Variants in TBC1D5 observed in about 807,000 individuals in gnomAD.
TBC1D5 encodes the protein TBC1 domain family, member 5.
A neutral mutation model predicts 100.3 loss-of-function variants in TBC1D5; 75 were observed. The observed-to-expected ratio is 0.75, with a 90% CI of 0.62 to 0.91. The LOEUF (loss-of-function observed/expected upper bound fraction) is 0.91, where lower values mean the gene tolerates loss of function less well. TBC1D5 is among the 40% of genes least tolerant of loss of function. The pLI is 0.00. For missense variants in TBC1D5, 910 were observed against 942.4 expected (o/e 0.97, Z 0.45); for synonymous variants, 323 against 325.6 (o/e 0.99, Z 0.09).
intron 1 of TBC1D5, among the ~76,000 whole-genome samples, chr3:17,667,103 C>T (rs2067348248): frequency 6.6e-6 from 1 of 152,186 alleles, no homozygotes; most frequent in African/African-American, 2.4e-5. Flanking sequence ...GAATTTACTT[C>T]TAGCTGCTGG....
chr3:17,616,246 TGA>T (rs141000394), intron 2 of TBC1D5, among the ~76,000 whole-genome samples: 7,745 of 152,266 alleles, frequency 0.051, 600 homozygotes, highest in African/African-American at 0.17. Context: ...CACTGTGGTC[TGA>T]GAGGCAGCTT....
In TBC1D5 at chr3:17,521,718, T is replaced by G. The variant is rs182085342; in HGVS notation, c.-35-13113A>C. Among the ~76,000 whole-genome samples the G allele has an allele frequency of 3.6e-3, 543 of 152,302 alleles. 4 individuals carry two copies. The highest frequency in any genetic ancestry group is 0.012 in the African/African-American group (515 of 41,568). ...AATTTGTTGAGACTAATATAAAATA[T>G]TATGTTAACTCTTTCATTCATGAAT... is the stretch of plus-strand genomic sequence containing the variant. On this transcript the variant is annotated intron_variant, in intron 2 of 21. Transcript: ENST00000253692.
At chr3:17,622,961 A>G (rs1215581274) in intron 2 of TBC1D5, among the ~76,000 whole-genome samples, 1 of 152,218 alleles carries the variant, frequency 6.6e-6, no homozygotes, top group Non-Finnish European at 1.5e-5. Context: ...GCAATTGCTT[A>G]AAGACCAAAA....
chr3:17,605,018 T>A (rs2153602352), intron 2 of TBC1D5, among the ~76,000 whole-genome samples: 1 of 152,338 alleles, frequency 6.6e-6, no homozygotes, highest in East Asian at 1.9e-4. Flanking sequence ...CAGGCTTCCA[T>A]ATCCCCAAAA....
intron 4 of TBC1D5, among the ~76,000 whole-genome samples, chr3:17,414,876 TA>T (rs779659717): frequency 3.3e-5 from 5 of 152,080 alleles, no homozygotes; most frequent in East Asian, 1.9e-4. Context: ...TAAATATATA[TA>T]AAAAAACAGA....
chr3:17,451,879 C>G (rs2094936306), intron 3 of TBC1D5, among the ~76,000 whole-genome samples: 1 of 151,800 alleles, frequency 6.6e-6, no homozygotes, highest in Admixed American at 6.6e-5. Context: ...CAGAGAGGAC[C>G]ACCATCGCAC....
chr3:17,660,274 T>C (rs1203638361), intron 1 of TBC1D5, among the ~76,000 whole-genome samples: 1 of 152,170 alleles, frequency 6.6e-6, no homozygotes, highest in Non-Finnish European at 1.5e-5. Flanking sequence ...AAGGAGTGGA[T>C]TAGAACTTTT....
intron 18 of TBC1D5, among the ~76,000 whole-genome samples, chr3:17,188,389 A>G (rs1022972363): frequency 6.6e-6 from 1 of 152,226 alleles, no homozygotes. Context: ...GTTTGTCTCA[A>G]TATAAACACA....
At chr3:17,622,453 GT>G (rs1420759936) in intron 2 of TBC1D5, among the ~76,000 whole-genome samples, 4 of 152,020 alleles carry the variant, frequency 2.6e-5, no homozygotes, top group African/African-American at 9.7e-5. Context: ...TGGAAAGTAT[GT>G]TTTATGTGGT....
intron 13 of TBC1D5, among the ~76,000 whole-genome samples, chr3:17,340,454 G>A (rs556642898): frequency 1.2e-4 from 19 of 152,314 alleles, no homozygotes; most frequent in Non-Finnish European, 2.6e-4. Context: ...GTGCTGGGGT[G>A]CAGCCATGGC....
intron 3 of TBC1D5, among the ~76,000 whole-genome samples, chr3:17,487,386 T>C (rs1345369552): frequency 6.6e-6 from 1 of 152,184 alleles, no homozygotes; most frequent in Non-Finnish European, 1.5e-5. Context: ...ATAAACAATA[T>C]TTCCAATCCA....
chr3:17,367,985 T>C (rs1224479593), intron 13 of TBC1D5, among the ~76,000 whole-genome samples: 3 of 131,402 alleles, frequency 2.3e-5, no homozygotes, highest in Admixed American at 1.5e-4. Flanking sequence ...CTTTAGGATA[T>C]ATTATTTTAT....
chr3:17,297,571 T>TA (rs35418915), intron 14 of TBC1D5, among the ~76,000 whole-genome samples: 3,582 of 137,232 alleles, frequency 0.026, 65 homozygotes, highest in South Asian at 0.047. Flanking sequence ...GCGAGACTCC[T>TA]AAAAAAAAAA....
In TBC1D5 at chr3:17,431,939, G is replaced by A. The variant is rs1296649186; in HGVS notation, c.98-3420C>T. Among the ~76,000 whole-genome samples the A allele has an allele frequency of 4.6e-5, 7 of 152,080 alleles. No homozygotes were observed. The East Asian group carries it at 1.3e-3, about 29-fold the overall frequency. ...GGGAGGTTTACAATAGATTTCTGTA[G>A]TATTTTTTTATACACAAACATCTAG... On this transcript the variant is annotated intron_variant, in intron 3 of 21. Coordinates refer to ENST00000253692, the Ensembl canonical transcript of TBC1D5.
At chr3:17,299,959 T>C (rs1575200237) in intron 14 of TBC1D5, among the ~76,000 whole-genome samples, 1 of 151,928 alleles carries the variant, frequency 6.6e-6, no homozygotes, top group East Asian at 1.9e-4. Flanking sequence ...ATGCAAACTG[T>C]ATTTTCCACT....
At chr3:17,528,247 G>A (rs939399164) in intron 2 of TBC1D5, among the ~76,000 whole-genome samples, 10 of 152,286 alleles carry the variant, frequency 6.6e-5, no homozygotes, top group African/African-American at 2.4e-4. Context: ...GTATTAAGAG[G>A]TAGGGCCTTC....
chr3:17,429,322 A>C (rs571691119), intron 3 of TBC1D5, among the ~76,000 whole-genome samples: 5 of 151,994 alleles, frequency 3.3e-5, no homozygotes, highest in Admixed American at 3.3e-4. Context: ...GAAATTTCAT[A>C]GTTCAATTTT....
chr3:17,343,436 G>A (rs191225289), intron 13 of TBC1D5, among the ~76,000 whole-genome samples: 7 of 150,640 alleles, frequency 4.6e-5, no homozygotes, highest in African/African-American at 1.7e-4. Flanking sequence ...CTCTTTTTTG[G>A]TTGTGTCTCT....
At chr3:17,606,677 A>G (rs2061353321) in intron 2 of TBC1D5, among the ~76,000 whole-genome samples, 1 of 152,196 alleles carries the variant, frequency 6.6e-6, no homozygotes, top group Non-Finnish European at 1.5e-5. Context: ...ACTTAAATAT[A>G]GCATTTTATA....
Sources: gnomAD v4.1 joint callset for allele counts (sites outside exome capture counted in the v4.1 genomes callset) on GRCh38, gnomAD v4.1.1 for gene constraint, MANE v1.5 for transcripts, NCBI Gene and HGNC (gene_info 2026-07-23, HGNC 2026-07-21) for gene names.